Variants in DCLRE1A observed in about 807,000 individuals in gnomAD.
DCLRE1A encodes DNA cross-link repair 1A protein.
In DCLRE1A, 64 loss-of-function variants were observed where a neutral mutation model predicts 91.9. That is an observed-to-expected ratio of 0.70 (90% CI 0.57 to 0.86). The LOEUF is 0.86. Among genes scored for constraint, DCLRE1A ranks in the 40% least tolerant of loss-of-function variants. The pLI is 0.00. For missense variants in DCLRE1A, 1,145 were observed against 1,213.3 expected (o/e 0.94, Z 0.84); for synonymous variants, 416 against 431.1 (o/e 0.96, Z 0.43).
intron 7 of DCLRE1A, among the ~76,000 whole-genome samples, chr10:113,839,096 C>T (rs551756957): frequency 3.3e-5 from 5 of 152,032 alleles, no homozygotes; most frequent in African/African-American, 7.2e-5. Flanking sequence ...GAGGCCAAGG[C>T]GGGCAGATCA....
In DCLRE1A at chr10:113,838,546, A is replaced by G. The variant is rs551018160; in HGVS notation, c.2821-1343T>C. 2.6e-5 allele frequency among the ~76,000 whole-genome samples: 4 copies of G among 152,370 alleles called. No homozygotes were observed. The South Asian group carries it at 6.2e-4, about 24-fold the overall frequency. ...CAAATCTACAGAAAAAAAGACTACCAGCAGCTACAAATAGTCCATTAACCA... is the reference window on the plus strand; with the variant it reads ...CAAATCTACAGAAAAAAAGACTACCGGCAGCTACAAATAGTCCATTAACCA... On this transcript the variant is annotated intron_variant, in intron 7 of 8. Coordinates refer to ENST00000361384, the MANE Select transcript of DCLRE1A (RefSeq NM_014881.5).
In DCLRE1A at chr10:113,837,473, C is replaced by T. The variant is rs114166018; in HGVS notation, c.2821-270G>A. Among the ~76,000 whole-genome samples the T allele has an allele frequency of 3.6e-3, 550 of 151,866 alleles. 4 individuals are homozygous for T. Among genetic ancestry groups the T allele is most frequent in the African/African-American group, 0.012 (492 of 41,452 alleles). Reference sequence around the variant, plus strand: ...TTAAACACAAGTAATTAGGTATAAACAAATTACAATTCTGATAGCTACCAA... The same window carrying T: ...TTAAACACAAGTAATTAGGTATAAATAAATTACAATTCTGATAGCTACCAA... On this transcript the variant is annotated intron_variant, in intron 7 of 8. Coordinates refer to ENST00000361384, the MANE Select transcript of DCLRE1A (RefSeq NM_014881.5).
rs17235045 is a variant in DCLRE1A, at chr10:113,853,714, A to G, written c.-532T>C. On this transcript the variant is annotated 5_prime_UTR_variant, in exon 1 of 9. It removes the in-frame stop codon of an upstream open reading frame in the 5' UTR. Transcript: ENST00000361384. Reference sequence around the variant, plus strand: ...AAATGACTATCTAACAAAACTAGTCACAACATAATCAAAGAGATGTGTAAT... The same window carrying G: ...AAATGACTATCTAACAAAACTAGTCGCAACATAATCAAAGAGATGTGTAAT... 4,781 of 152,634 alleles carry G rather than the reference A, an allele frequency of 0.031. 264 individuals are homozygous for G. The highest frequency in any genetic ancestry group is 0.11 in the African/African-American group (4,451 of 41,530). 9.5% of individuals were successfully genotyped at this position (152,634 alleles called of 1,614,324 possible).
rs1307841063 is a variant in DCLRE1A at position 113,841,574 on chromosome 10, A to C, written c.2666-14T>G. On this transcript the variant is annotated splice_polypyrimidine_tract_variant and intron_variant, in intron 6 of 8. Transcript: ENST00000361384. The stretch of plus-strand genomic sequence containing the variant: ...CATCAGCAATGGCTATGGGCAAAAG[A>C]AAAGATTAAAAATAGTAAACTTACA... 8.2e-6 allele frequency: 13 copies of C among 1,584,614 alleles called. No homozygotes were observed. The highest frequency in any genetic ancestry group is 1.1e-5 in the Non-Finnish European group (13 of 1,171,262).
chr10:113,839,078 C>G (rs1016441652), intron 7 of DCLRE1A, among the ~76,000 whole-genome samples: 6 of 152,096 alleles, frequency 3.9e-5, no homozygotes, highest in Admixed American at 2.6e-4. Context: ...GTATTCCCAG[C>G]ACTTTGGGAG....
intron 8 of DCLRE1A, 89 bp downstream of exon 8, chr10:113,836,973 T>C (rs1845370975): frequency 1.7e-6 from 2 of 1,200,624 alleles, no homozygotes; most frequent in East Asian, 5.2e-5. Flanking sequence ...TTGGTGCCTG[T>C]TTTTGTTGGA....
intron 7 of DCLRE1A, among the ~76,000 whole-genome samples, 178 bp downstream of exon 7, chr10:113,841,228 C>T (rs1845439858): frequency 6.6e-6 from 1 of 152,184 alleles, no homozygotes; most frequent in Non-Finnish European, 1.5e-5. Context: ...AATTACTCTA[C>T]AGAGTTGCAC....
intron 1 of DCLRE1A, among the ~76,000 whole-genome samples, chr10:113,852,314 C>A (rs909784207): frequency 6.6e-6 from 1 of 152,184 alleles, no homozygotes; most frequent in African/African-American, 2.4e-5. Flanking sequence ...CCAATCTGGG[C>A]AACAGAGAGA....
chr10:113,844,157 C>T lies in DCLRE1A; in HGVS notation c.2466G>A (p.Met822Ile). The T allele has an allele frequency of 6.2e-7, 1 of 1,614,178 alleles. No individual in the cohort carries two copies. The highest frequency in any genetic ancestry group is 8.5e-7 in the Non-Finnish European group (1 of 1,180,028). Residue 822 changes from methionine to isoleucine, a missense_variant, in exon 5 of 9, where the codon ATG becomes ATA. Coordinates refer to ENST00000361384, the MANE Select transcript of DCLRE1A (RefSeq NM_014881.5). Reference sequence around the variant, plus strand: ...TCTGGTCCGCAAGAAGAGAACGTTCCATGCTGGGATCTGCTCTGAAGTCTC... The same window carrying T: ...TCTGGTCCGCAAGAAGAGAACGTTCTATGCTGGGATCTGCTCTGAAGTCTC... ...HTGDFRADPS[M>I]ERSLLADQKV...
chr10:113,848,952 T>C (rs751675398), intron 2 of DCLRE1A, 28 bp downstream of exon 2: 7 of 1,578,018 alleles, frequency 4.4e-6, no homozygotes, highest in Admixed American at 1.8e-5. Flanking sequence ...TCTTTGTTGA[T>C]ATATCGAGTA....
chr10:113,839,383 G>A (rs1290627072), intron 7 of DCLRE1A, among the ~76,000 whole-genome samples: 1 of 150,074 alleles, frequency 6.7e-6, no homozygotes, highest in Non-Finnish European at 1.5e-5. Flanking sequence ...GTAAATGAGG[G>A]ACAGGGGAGG....
chr10:113,850,890 T>C (rs894723072), intron 1 of DCLRE1A, among the ~76,000 whole-genome samples: 3 of 152,190 alleles, frequency 2.0e-5, no homozygotes, highest in Non-Finnish European at 4.4e-5. Flanking sequence ...TTCCCTATCA[T>C]ACTACCATGA....
rs1473204095 is a variant in DCLRE1A at position 113,852,923 on chromosome 10, C to G, written c.260G>C (p.Gly87Ala). The G allele has an allele frequency of 3.7e-6, 6 of 1,613,982 alleles. No homozygotes were observed. In the African/African-American group the frequency reaches 8.0e-5, roughly 22 times the overall value. Residue 87 changes from glycine (G) to alanine (A), a missense_variant, in exon 1 of 9, where the codon GGT (glycine) becomes GCT (alanine). Transcript: ENST00000361384. Reference sequence around the variant, plus strand: ...TTCCTTGTCTTGGGTCTGCTGAATACCATCTCCACAACTTGAATTCTGACT... The same window carrying G: ...TTCCTTGTCTTGGGTCTGCTGAATAGCATCTCCACAACTTGAATTCTGACT... ...ASSQNSSCGD[G>A]IQQTQDKETT...
Position 113,848,106 on chromosome 10 carries a change from G to A in DCLRE1A, c.2126-771C>T, listed in dbSNP as rs572834540. Among the ~76,000 whole-genome samples, 39 of 152,226 alleles carry A rather than the reference G, an allele frequency of 2.6e-4. No homozygotes were observed. In the South Asian group the frequency reaches 7.5e-3, roughly 29 times the overall value. On this transcript the variant is annotated intron_variant, in intron 2 of 8. Transcript: ENST00000361384. ...AGGCGGGCGGATCACGAAGTCAGGA[G>A]ATCGAGACCATCCTGGCTAGCACGG...
chr10:113,843,023 TACACACACAC>T (rs10527278), intron 5 of DCLRE1A, among the ~76,000 whole-genome samples: 2,062 of 145,924 alleles, frequency 0.014, 19 homozygotes, highest in African/African-American at 0.027. Context: ...TGTACATGTG[TACACACACAC>T]ACACACACAC....
intron 3 of DCLRE1A, 105 bp downstream of exon 3, chr10:113,847,097 C>T: frequency 1.8e-6 from 2 of 1,110,842 alleles, no homozygotes; most frequent in Non-Finnish European, 2.5e-6. Flanking sequence ...CATTTTTTTT[C>T]TAGTAGAATG....
At chr10:113,844,365 C>G in intron 4 of DCLRE1A, 121 bp from the exon 5 acceptor site, 1 of 1,270,212 alleles carries the variant, frequency 7.9e-7, no homozygotes, top group South Asian at 1.6e-5. Flanking sequence ...TAGCATTGCA[C>G]TACAGGAAAT....
intron 1 of DCLRE1A, 88 bp downstream of exon 1, chr10:113,852,635 G>A (rs947942352): frequency 7.7e-7 from 1 of 1,292,196 alleles, no homozygotes; most frequent in Non-Finnish European, 1.1e-6. Context: ...GTTACTGCTT[G>A]CCTTCCTTGT....
intron 7 of DCLRE1A, 52 bp from the exon 8 acceptor site, chr10:113,837,255 T>C: frequency 6.6e-7 from 1 of 1,522,432 alleles, no homozygotes; most frequent in Non-Finnish European, 8.8e-7. Context: ...TTATATGGAA[T>C]AAAACAGACT....
Sources: allele counts gnomAD v4.1 joint callset (sites outside exome capture counted in the v4.1 genomes callset), GRCh38; gene constraint gnomAD v4.1.1; transcripts MANE v1.5; gene names NCBI Gene and HGNC (gene_info 2026-07-23, HGNC 2026-07-21).